The following E2F7 variants were observed in gnomAD, a reference collection of about 807,000 sequenced individuals.
E2F7 encodes the protein E2F transcription factor 7, also known as transcription factor E2F7.
A neutral mutation model predicts 81.1 loss-of-function variants in E2F7; 35 were observed. The observed-to-expected ratio is 0.43, with a 90% CI of 0.33 to 0.57. The LOEUF is 0.57. Ranked by LOEUF, E2F7 falls within the 20% of genes least tolerant of loss-of-function variation. The probability of loss-of-function intolerance (pLI) is 0.04; values close to 1 mark genes in which losing one functional copy is unlikely to be tolerated. For synonymous variants in E2F7, 416 were observed against 416.2 expected (o/e 1.00, Z 0.01); for missense variants, 961 against 1,093.7 (o/e 0.88, Z 1.71).
intron 9 of E2F7, 100 bp downstream of exon 9, chr12:77,032,950 G>A (rs1030860125): frequency 9.3e-7 from 1 of 1,074,712 alleles, no homozygotes; most frequent in African/African-American, 1.6e-5. Context: ...ATAAACGGCT[G>A]ACCTAAATTT....
chr12:77,043,334 T>C, intron 6 of E2F7, 135 bp from the exon 7 acceptor site: 1 of 1,115,456 alleles, frequency 9.0e-7, no homozygotes, highest in Non-Finnish European at 1.3e-6. Flanking sequence ...AGGAGACCAG[T>C]GGCTCTGTCA....
chr12:77,029,435 C>T (rs1954785693), intron 10 of E2F7, among the ~76,000 whole-genome samples: 1 of 152,208 alleles, frequency 6.6e-6, no homozygotes, highest in Admixed American at 6.5e-5. Flanking sequence ...AGCCAGACAG[C>T]ACCCACATTC....
intron 3 of E2F7, among the ~76,000 whole-genome samples, chr12:77,055,605 A>G (rs1955025298): frequency 6.6e-6 from 1 of 152,210 alleles, no homozygotes; most frequent in Non-Finnish European, 1.5e-5. Flanking sequence ...AAAAATGATT[A>G]AATATCATTA....
At chr12:77,044,826 G>A (rs1954925568) in intron 5 of E2F7, 31 bp from the exon 6 acceptor site, 1 of 1,605,942 alleles carries the variant, frequency 6.2e-7, no homozygotes, top group Non-Finnish European at 8.5e-7. Flanking sequence ...AAGCATCAAA[G>A]TATATGATTT....
chr12:77,028,699 T>C (rs10779150), intron 10 of E2F7, among the ~76,000 whole-genome samples: 106,737 of 151,796 alleles, frequency 0.7, 38,026 homozygotes, highest in East Asian at 0.93. Flanking sequence ...TGGTCTCGAT[T>C]TCCTGACCCG....
chr12:77,046,167 G>T lies in E2F7; in HGVS notation c.700C>A (p.Gln234Lys), dbSNP rs1205785756. Residue 234 changes from glutamine to lysine, a missense_variant, in exon 5 of 13, where the codon CAA (glutamine) becomes AAA (lysine). Physicochemically the swap from Gln to Lys is moderately conservative, Grantham distance 53. Transcript: ENST00000322886. Reference sequence around the variant, plus strand: ...TCTTTCTGTTGGAGGTAGGCCATTTGCTCTTCATATTTCTGCTCCTCTCCT... The same window carrying T: ...TCTTTCTGTTGGAGGTAGGCCATTTTCTCTTCATATTTCTGCTCCTCTCCT... ...RLGEEQKYEE[Q>K]MAYLQQKELD... is the part of the protein sequence containing the mutation. 1 of 1,614,192 alleles carries T rather than the reference G, an allele frequency of 6.2e-7. No homozygotes were observed. Among genetic ancestry groups the T allele is most frequent in the Non-Finnish European group, 8.5e-7 (1 of 1,180,022 alleles).
chr12:77,024,500 C>G (rs1006428548), intron 12 of E2F7, among the ~76,000 whole-genome samples: 1 of 152,076 alleles, frequency 6.6e-6, no homozygotes, highest in South Asian at 2.1e-4. Context: ...CTCCATCCAA[C>G]GGCGATGGTA....
At chr12:77,063,649 G>A (rs906769890) in intron 2 of E2F7, among the ~76,000 whole-genome samples, 11 of 151,570 alleles carry the variant, frequency 7.3e-5, no homozygotes, top group African/African-American at 1.9e-4. Context: ...TCAAAATGCC[G>A]GACAAAAAAA....
Position 77,033,898 on chromosome 12 carries a change from T to C in E2F7, c.1268A>G (p.Lys423Arg), listed in dbSNP as rs767667750. The change falls in exon 8 of 13, where the codon AAA becomes AGA. Residue 423 changes from lysine to arginine, a missense_variant. This residue lies in a region of E2F7 where 587 missense variants were observed against 620.3 expected (regional missense o/e 0.95). Transcript: ENST00000322886. ...CGGGCTGCTCGGTTCTGAGTTCACTTTCCTCTGGATCCTCTCAGAAGCCTG... is the reference window on the plus strand; with the variant it reads ...CGGGCTGCTCGGTTCTGAGTTCACTCTCCTCTGGATCCTCTCAGAAGCCTG... ...TVQASERIQR[K>R]VNSEPSSPYR... 3.1e-6 allele frequency: 5 copies of C among 1,613,742 alleles called. No individual in the cohort carries two copies. The South Asian group carries it at 5.5e-5, about 18-fold the overall frequency.
chr12:77,062,918 A>G (rs1394089583), intron 2 of E2F7, among the ~76,000 whole-genome samples: 2 of 151,930 alleles, frequency 1.3e-5, no homozygotes, highest in Non-Finnish European at 1.5e-5. Flanking sequence ...ACTTTAAATA[A>G]TCTTCACTTT....
In E2F7 at chr12:77,065,550, C is replaced by T. The variant is rs1369984236; in HGVS notation, c.-206G>A. 3 of 152,482 alleles carry T rather than the reference C, an allele frequency of 2.0e-5. No homozygotes were observed. In the East Asian group the frequency reaches 5.8e-4, roughly 30 times the overall value. The allele number at this position is 152,482 out of a possible 1,614,324, so 9.4% of individuals were successfully genotyped here. Reference sequence around the variant, plus strand: ...CAGCGCTCAGACCGGCCGAGCGCAACTCCAGCCTGGATCGTAGTCCCCGCT... The same window carrying T: ...CAGCGCTCAGACCGGCCGAGCGCAATTCCAGCCTGGATCGTAGTCCCCGCT... On this transcript the variant is annotated 5_prime_UTR_variant, in exon 1 of 13. Coordinates refer to ENST00000322886, the MANE Select transcript of E2F7 (RefSeq NM_203394.3).
chr12:77,024,446 C>T (rs760176621), intron 12 of E2F7, among the ~76,000 whole-genome samples: 3 of 152,136 alleles, frequency 2.0e-5, no homozygotes, highest in South Asian at 4.1e-4. Flanking sequence ...TGGGCTCTGC[C>T]ACTGTGGACA....
chr12:77,030,021 G>T lies in E2F7; in HGVS notation c.1694C>A (p.Pro565Gln). 1 of 1,614,126 alleles carries T rather than the reference G, an allele frequency of 6.2e-7. No individual in the cohort carries two copies. The highest frequency in any genetic ancestry group is 1.1e-5 in the South Asian group (1 of 91,078). The change falls in exon 10 of 13, where the codon CCA (proline) becomes CAA (glutamine). Residue 565 changes from proline (P) to glutamine (Q), a missense_variant. Around this residue, in one of 3 missense-constraint regions of E2F7, gnomAD observed 587 missense variants for 620.3 expected, o/e 0.95. Coordinates refer to ENST00000322886, the MANE Select transcript of E2F7 (RefSeq NM_203394.3). ...FMLYGSLQEG[P>Q]ASGSGSERDD... ...CCTCTCTGACCCTGACCCTGACGCT[G>T]GTCCCTCCTGCAGACTTCCATACAG... is the stretch of plus-strand genomic sequence containing the variant.
At chr12:77,048,713 G>C (rs1009035037) in intron 4 of E2F7, among the ~76,000 whole-genome samples, 1 of 152,180 alleles carries the variant, frequency 6.6e-6, no homozygotes, top group African/African-American at 2.4e-5. Flanking sequence ...AGGTCTGGGT[G>C]ATCAGGAGGC....
At position 77,022,981 on chromosome 12, in the gene E2F7, G is replaced by T. The variant is rs564774146; in HGVS notation, c.*1034C>A. 5.9e-5 allele frequency: 9 copies of T among 152,216 alleles called. No individual in the cohort carries two copies. The highest frequency in any genetic ancestry group is 2.2e-4 in the African/African-American group (9 of 41,542). The allele number at this position is 152,216 out of a possible 1,614,324, so 9.4% of individuals were successfully genotyped here. On this transcript the variant is annotated 3_prime_UTR_variant, in exon 13 of 13. Coordinates refer to ENST00000322886, the MANE Select transcript of E2F7 (RefSeq NM_203394.3). ...GACATGAAGTAGAAGAAAAACAAAA[G>T]AATCATCTCTTGCCCTGTATCAATT...
chr12:77,037,070 G>A (rs960620024), intron 7 of E2F7, among the ~76,000 whole-genome samples: 1 of 152,084 alleles, frequency 6.6e-6, no homozygotes, highest in African/African-American at 2.4e-5. Flanking sequence ...TCTTTACCCA[G>A]CAAAAATGTT....
intron 2 of E2F7, among the ~76,000 whole-genome samples, chr12:77,060,030 G>C (rs1565914555): frequency 6.7e-6 from 1 of 148,234 alleles, no homozygotes; most frequent in Admixed American, 6.7e-5. Flanking sequence ...GGCTGCCCTA[G>C]AACTCCCCAG....
At chr12:77,041,710 T>A (rs180852526) in intron 7 of E2F7, among the ~76,000 whole-genome samples, 42 of 152,244 alleles carry the variant, frequency 2.8e-4, no homozygotes, top group Middle Eastern at 3.4e-3. Context: ...TAACAGCCCA[T>A]CAGAACTTAA....
rs1233813452 is a variant in E2F7, at chr12:77,030,346, G to A, written c.1383-14C>T. ...AAGGCTTTTCCCCTATAATAAAAAA[G>A]AAACGTAACGAAGTTAGCACATTCT... is the stretch of plus-strand genomic sequence containing the variant. On this transcript the variant is annotated splice_polypyrimidine_tract_variant and intron_variant, in intron 9 of 12. Transcript: ENST00000322886. 1.3e-6 allele frequency: 2 copies of A among 1,520,024 alleles called. No homozygotes were observed. Among genetic ancestry groups the A allele is most frequent in the Admixed American group, 4.5e-5 (2 of 44,668 alleles). 94.2% of individuals were successfully genotyped at this position (1,520,024 alleles called of 1,614,324 possible).
Sources: gnomAD v4.1 joint callset for allele counts (sites outside exome capture counted in the v4.1 genomes callset) on GRCh38, gnomAD v4.1.1 for gene constraint, gnomAD v4.1.1 regional missense constraint, MANE v1.5 for transcripts, NCBI Gene and HGNC (gene_info 2026-07-23, HGNC 2026-07-21) for gene names.